Variants in CSTPP1 observed in about 807,000 individuals in gnomAD.
CSTPP1 encodes the protein centriolar satellite-associated tubulin polyglutamylase complex regulator 1.
chr11:47,126,896 G>A, the CSTPP1 span, among the ~76,000 whole-genome samples: 33 of 151,032 alleles, frequency 2.2e-4, no homozygotes, highest in African/African-American at 7.1e-4. Context: ...TGACGCCACC[G>A]CACTCCAGCC....
the CSTPP1 span, among the ~76,000 whole-genome samples, chr11:46,967,991 G>A: frequency 6.6e-6 from 1 of 151,944 alleles, no homozygotes; most frequent in Admixed American, 6.6e-5. Context: ...GGGAAGGGCG[G>A]AAGAAAGCAG....
At chr11:47,097,290 C>A in the CSTPP1 span, among the ~76,000 whole-genome samples, 5 of 120,828 alleles carry the variant, frequency 4.1e-5, no homozygotes, top group African/African-American at 1.5e-4. Context: ...GGGTCAGCCC[C>A]CCGCCCAGCC....
At chr11:47,016,395 AACAAAAAAC>A in the CSTPP1 span, among the ~76,000 whole-genome samples, 14 of 145,806 alleles carry the variant, frequency 9.6e-5, 1 homozygote, top group South Asian at 4.3e-4. Flanking sequence ...ATCTACAAAA[AACAAAAAAC>A]AAAAAACAAA....
the CSTPP1 span, among the ~76,000 whole-genome samples, chr11:46,998,997 T>G: frequency 6.6e-3 from 999 of 152,080 alleles, 8 homozygotes; most frequent in Non-Finnish European, 9.2e-3. Flanking sequence ...GCCTCGGCCT[T>G]CCAAAGTGCT....
chr11:47,147,325 C>T, the CSTPP1 span, among the ~76,000 whole-genome samples: 2 of 152,108 alleles, frequency 1.3e-5, no homozygotes, highest in African/African-American at 4.8e-5. Flanking sequence ...GGAAAAGAAG[C>T]TAGGCTCTCA....
the CSTPP1 span, among the ~76,000 whole-genome samples, chr11:46,969,860 G>A: frequency 6.6e-6 from 1 of 152,134 alleles, no homozygotes; most frequent in Admixed American, 6.5e-5. Flanking sequence ...CGCCTCCTGG[G>A]TTCAAGCGAT....
At chr11:47,137,668 C>G in the CSTPP1 span, 1 of 1,614,030 alleles carries the variant, frequency 6.2e-7, no homozygotes, top group Non-Finnish European at 8.5e-7. Context: ...GAAAGAATAT[C>G]ACTGTTTGCT....
the CSTPP1 span, among the ~76,000 whole-genome samples, chr11:46,957,147 G>A: frequency 0.76 from 115,467 of 151,960 alleles, 44,591 homozygotes; most frequent in African/African-American, 0.84. Flanking sequence ...TTTCTTCAAG[G>A]TAACTTTTCT....
chr11:47,068,681 C>G, the CSTPP1 span, among the ~76,000 whole-genome samples: 1 of 152,116 alleles, frequency 6.6e-6, no homozygotes, highest in Admixed American at 6.5e-5. Flanking sequence ...ATATGACTAC[C>G]TTATACTACT....
chr11:47,157,188 T>C, the CSTPP1 span: 8 of 1,601,220 alleles, frequency 5.0e-6, no homozygotes, highest in African/African-American at 1.3e-5. Flanking sequence ...TACCAGTGTC[T>C]GGAAAACCTG....
At chr11:46,956,683 T>TAAC in the CSTPP1 span, among the ~76,000 whole-genome samples, 2 of 152,124 alleles carry the variant, frequency 1.3e-5, no homozygotes, top group Non-Finnish European at 2.9e-5. Flanking sequence ...ACAATTTTTT[T>TAAC]TTGCTGTGTA....
chr11:47,149,290 G>A, the CSTPP1 span, among the ~76,000 whole-genome samples: 4 of 152,328 alleles, frequency 2.6e-5, no homozygotes, highest in Middle Eastern at 3.4e-3. Flanking sequence ...GCAGCTCCCT[G>A]TTGGCTCCAC....
At chr11:47,104,169 A>G in the CSTPP1 span, among the ~76,000 whole-genome samples, 1 of 152,150 alleles carries the variant, frequency 6.6e-6, no homozygotes, top group Non-Finnish European at 1.5e-5. Context: ...TGGGTATTTT[A>G]CTGCCTTAAA....
chr11:46,944,722 G>A, the CSTPP1 span, among the ~76,000 whole-genome samples: 3 of 152,044 alleles, frequency 2.0e-5, no homozygotes, highest in South Asian at 6.2e-4. Flanking sequence ...TAATAATTAG[G>A]GTCCCTCCTA....
chr11:47,046,064 C>T, the CSTPP1 span, among the ~76,000 whole-genome samples: 5 of 151,928 alleles, frequency 3.3e-5, no homozygotes, highest in South Asian at 4.2e-4. Context: ...GGATTACAGG[C>T]GTGAGCCACC....
At chr11:47,135,461 T>A in the CSTPP1 span, among the ~76,000 whole-genome samples, 1 of 152,286 alleles carries the variant, frequency 6.6e-6, no homozygotes, top group Admixed American at 6.5e-5. Context: ...TGCCTATCAG[T>A]GTTCTGATTT....
the CSTPP1 span, among the ~76,000 whole-genome samples, chr11:47,054,866 T>TA: frequency 6.6e-6 from 1 of 151,892 alleles, no homozygotes; most frequent in Non-Finnish European, 1.5e-5. Flanking sequence ...GTTTTTGGCT[T>TA]GGGCCACTGG....
chr11:47,037,636 G>T, the CSTPP1 span, among the ~76,000 whole-genome samples: 2 of 120,072 alleles, frequency 1.7e-5, no homozygotes, highest in African/African-American at 5.1e-5. Flanking sequence ...AGCACATCTT[G>T]CACCGCCCTT....
chr11:47,012,778 A>G, the CSTPP1 span, among the ~76,000 whole-genome samples: 5 of 151,940 alleles, frequency 3.3e-5, no homozygotes, highest in African/African-American at 1.2e-4. Context: ...AATCTCCCTG[A>G]TTTTACAGGA....
Sources: allele counts gnomAD v4.1 joint callset (sites outside exome capture counted in the v4.1 genomes callset), GRCh38; gene constraint gnomAD v4.1.1; transcripts MANE v1.5; gene names NCBI Gene and HGNC (gene_info 2026-07-23, HGNC 2026-07-21).